Variants in UTP15 observed in about 807,000 individuals in gnomAD.
UTP15 encodes the protein UTP15 small subunit processome component.
A neutral mutation model predicts 59.1 loss-of-function variants in UTP15; 5 were observed. The ratio of observed to expected loss-of-function variants is 0.08; its 90% CI spans 0.04 to 0.18. The LOEUF is 0.18. Among genes scored for constraint, UTP15 ranks in the 10% least tolerant of loss-of-function variants. UTP15 has a pLI of 1.00. For synonymous variants in UTP15, 211 were observed against 212.2 expected (o/e 0.99, Z 0.05); for missense variants, 494 against 616.7 (o/e 0.80, Z 2.11).
intron 12 of UTP15, among the ~76,000 whole-genome samples, chr5:73,579,592 A>C (rs899799067): frequency 7.2e-5 from 11 of 152,180 alleles, no homozygotes; most frequent in African/African-American, 2.7e-4. Context: ...TTATTATAAA[A>C]AATTTTTTTC....
chr5:73,568,217 C>T lies in UTP15; in HGVS notation c.91-18C>T, dbSNP rs776889501. 1 of 1,579,968 alleles carries T rather than the reference C, an allele frequency of 6.3e-7. No individual in the cohort carries two copies. The highest frequency in any genetic ancestry group is 1.8e-5 in the Admixed American group (1 of 55,856). On this transcript the variant is annotated intron_variant, in intron 2 of 12. Coordinates refer to ENST00000296792, the MANE Select transcript of UTP15 (RefSeq NM_032175.4). ...TACCAGTGGTAACTCTGTTAACACA[C>T]TATTATTTTTTATTAAGACCCCTGT...
At chr5:73,578,972 T>C in intron 10 of UTP15, 45 bp from the exon 11 acceptor site, 1 of 1,605,136 alleles carries the variant, frequency 6.2e-7, no homozygotes, top group Non-Finnish European at 8.5e-7. Context: ...GTGATTTTTT[T>C]TGTGCTGTTT....
chr5:73,565,991 G>T (rs1747745465), intron 1 of UTP15, 79 bp downstream of exon 1: 2 of 420,306 alleles, frequency 4.8e-6, no homozygotes, highest in South Asian at 3.4e-5. Context: ...TGCTCTTCTG[G>T]GGCTTCCCAG....
intron 7 of UTP15, among the ~76,000 whole-genome samples, chr5:73,574,961 C>G (rs1275092752): frequency 1.3e-5 from 2 of 152,184 alleles, no homozygotes; most frequent in Non-Finnish European, 1.5e-5. Flanking sequence ...TGCATATAAC[C>G]TACACACATC....
intron 7 of UTP15, among the ~76,000 whole-genome samples, chr5:73,574,955 TATAAC>T (rs1484963201): frequency 1.3e-5 from 2 of 152,258 alleles, no homozygotes; most frequent in Non-Finnish European, 1.5e-5. Flanking sequence ...CATATTTGCA[TATAAC>T]CTACACACAT....
At chr5:73,577,119 T>C (rs1748127428) in intron 8 of UTP15, 83 bp downstream of exon 8, 1 of 1,033,352 alleles carries the variant, frequency 9.7e-7, no homozygotes, top group Non-Finnish European at 1.4e-6. Flanking sequence ...GCTTTATTTT[T>C]AGATTTGAGT....
chr5:73,565,771 C>T lies in UTP15; in HGVS notation c.-225C>T, dbSNP rs767902404. The T allele has an allele frequency of 4.4e-6, 2 of 456,178 alleles. No individual in the cohort carries two copies. Among genetic ancestry groups the T allele is most frequent in the African/African-American group, 2.0e-5 (1 of 50,072 alleles). 28.3% of individuals were successfully genotyped at this position (456,178 alleles called of 1,614,324 possible). A position where few individuals can be genotyped will look rare whatever the true frequency, so the allele number is the denominator to read the frequency against. ...TCATCTTCGCGCGACGTTCGGTTCG[C>T]TGTGTGTGTCGCCGGCTCCTTGAGG... On this transcript the variant is annotated 5_prime_UTR_variant, in exon 1 of 13. Transcript: ENST00000296792.
chr5:73,568,715 T>A, intron 4 of UTP15, 111 bp downstream of exon 4: 1 of 1,000,094 alleles, frequency 1.0e-6, no homozygotes, highest in Non-Finnish European at 1.4e-6. Context: ...ATTATTTGCC[T>A]ATAGGTACTA....
At chr5:73,572,769 T>C (rs761220946) in intron 7 of UTP15, 145 bp downstream of exon 7, 19 of 815,540 alleles carry the variant, frequency 2.3e-5, no homozygotes, top group Non-Finnish European at 3.3e-5. Context: ...AAAATAGTTT[T>C]GACCTTTTGT....
chr5:73,572,061 G>T (rs190980575), intron 6 of UTP15, among the ~76,000 whole-genome samples: 5 of 152,122 alleles, frequency 3.3e-5, no homozygotes, highest in Non-Finnish European at 1.5e-5. Context: ...TCCAACTCCT[G>T]TTCCCCAGTC....
At chr5:73,574,893 T>C (rs1748045591) in intron 7 of UTP15, among the ~76,000 whole-genome samples, 1 of 152,242 alleles carries the variant, frequency 6.6e-6, no homozygotes, top group Non-Finnish European at 1.5e-5. Context: ...AGTCATCTCT[T>C]GGTAACTGAG....
chr5:73,580,888 G>A lies in UTP15; in HGVS notation c.*794G>A, dbSNP rs574093726. Reference sequence around the variant, plus strand: ...TCTTCATATGTTTCAAGCTAATCTTGTAGCTAAGCTACCTAATCCTCTGAA... The same window carrying A: ...TCTTCATATGTTTCAAGCTAATCTTATAGCTAAGCTACCTAATCCTCTGAA... On this transcript the variant is annotated 3_prime_UTR_variant, in exon 13 of 13. Transcript: ENST00000296792. 5.9e-5 allele frequency: 9 copies of A among 151,674 alleles called. No individual in the cohort carries two copies. The highest frequency in any genetic ancestry group is 8.8e-5 in the Non-Finnish European group (6 of 68,000). The allele number at this position is 151,674 out of a possible 1,614,324, so 9.4% of individuals were successfully genotyped here.
Position 73,580,995 on chromosome 5 carries a change from A to T in UTP15, c.*901A>T, listed in dbSNP as rs1434987688. On this transcript the variant is annotated 3_prime_UTR_variant, in exon 13 of 13. Coordinates refer to ENST00000296792, the MANE Select transcript of UTP15 (RefSeq NM_032175.4). ...GTATTTCGGAACCCCAATGCAGAGC[A>T]GTTTGCTTTGAAAAATAGTTGTTTT... is the stretch of plus-strand genomic sequence containing the variant. The T allele has an allele frequency of 6.6e-6, 1 of 151,982 alleles. No individual in the cohort carries two copies. The highest frequency in any genetic ancestry group is 1.5e-5 in the Non-Finnish European group (1 of 68,014). 9.4% of individuals were successfully genotyped at this position (151,982 alleles called of 1,614,324 possible).
At chr5:73,568,395 T>C in intron 3 of UTP15, 25 bp from the exon 4 acceptor site, 25 of 1,601,894 alleles carry the variant, frequency 1.6e-5, no homozygotes, top group Non-Finnish European at 2.0e-5. Flanking sequence ...AGCCATCTGG[T>C]GAAATACTGT....
At position 73,581,886 on chromosome 5, in the gene UTP15, A is replaced by T. The variant is rs1748329079; in HGVS notation, c.*1792A>T. 1 of 152,158 alleles carries T rather than the reference A, an allele frequency of 6.6e-6. No individual in the cohort carries two copies. Among genetic ancestry groups the T allele is most frequent in the Non-Finnish European group, 1.5e-5 (1 of 68,032 alleles). 9.4% of individuals were successfully genotyped at this position (152,158 alleles called of 1,614,324 possible). A position where few individuals can be genotyped will look rare whatever the true frequency, so the allele number is the denominator to read the frequency against. ...CAGCAGTGTTTTTCCCTGAGTAATT[A>T]TGAACTTAGTCAAGATCAGAAGCTG... On this transcript the variant is annotated 3_prime_UTR_variant, in exon 13 of 13. Coordinates refer to ENST00000296792, the MANE Select transcript of UTP15 (RefSeq NM_032175.4).
chr5:73,566,098 C>G (rs1411299380), intron 1 of UTP15, 186 bp downstream of exon 1: 6 of 322,388 alleles, frequency 1.9e-5, no homozygotes, highest in African/African-American at 1.3e-4. Context: ...CCTTTCCTGT[C>G]CACCGTTGTT....
rs61732100 is a variant in UTP15 at position 73,581,949 on chromosome 5, A to C, written c.*1855A>C. ...GAGAAGAGTTCATTTATTTAAATAA[A>C]GTTTCTATTTAAAAACCTTTTTAAA... On this transcript the variant is annotated 3_prime_UTR_variant, in exon 13 of 13. Transcript: ENST00000296792. 474 of 152,304 alleles carry C rather than the reference A, an allele frequency of 3.1e-3. 3 individuals are homozygous for C. Among genetic ancestry groups the C allele is most frequent in the African/African-American group, 0.01 (436 of 41,554 alleles). The allele number at this position is 152,304 out of a possible 1,614,324, so 9.4% of individuals were successfully genotyped here. A position where few individuals can be genotyped will look rare whatever the true frequency, so the allele number is the denominator to read the frequency against.
At chr5:73,572,680 G>A in intron 7 of UTP15, 56 bp downstream of exon 7, 1 of 1,505,388 alleles carries the variant, frequency 6.6e-7, no homozygotes, top group Non-Finnish European at 9.0e-7. Flanking sequence ...TTTACTGCTT[G>A]AGGAAATGAG....
intron 4 of UTP15, 64 bp from the exon 5 acceptor site, chr5:73,569,433 A>G (rs1747870945): frequency 3.2e-5 from 41 of 1,279,202 alleles, no homozygotes; most frequent in Non-Finnish European, 4.2e-5. Context: ...GGAGCATTTT[A>G]TGTTAGAAGG....
Sources: gnomAD v4.1 joint callset for allele counts (sites outside exome capture counted in the v4.1 genomes callset) on GRCh38, gnomAD v4.1.1 for gene constraint, MANE v1.5 for transcripts, NCBI Gene and HGNC (gene_info 2026-07-23, HGNC 2026-07-21) for gene names.